Variants in ADGRB3 observed in about 807,000 individuals in gnomAD.
ADGRB3 encodes adhesion G protein-coupled receptor B3.
A neutral mutation model predicts 193.4 loss-of-function variants in ADGRB3; 37 were observed. The observed-to-expected ratio is 0.19, with a 90% confidence interval of 0.15 to 0.25. ADGRB3 has a LOEUF of 0.25. ADGRB3 is among the 10% of genes least tolerant of loss of function. The pLI is 1.00. For synonymous variants in ADGRB3, 690 were observed against 644.2 expected (o/e 1.07, Z -1.08); for missense variants, 1,637 against 1,852.9 (o/e 0.88, Z 2.14).
intron 17 of ADGRB3, among the ~76,000 whole-genome samples, chr6:69,116,698 A>G (rs2150327861): frequency 6.6e-6 from 1 of 152,362 alleles, no homozygotes; most frequent in Middle Eastern, 3.4e-3. Flanking sequence ...CCTTCTTTAA[A>G]GTTAACAGTG....
At chr6:69,079,674 T>C (rs548051355) in intron 17 of ADGRB3, among the ~76,000 whole-genome samples, 10 of 152,174 alleles carry the variant, frequency 6.6e-5, no homozygotes, top group African/African-American at 2.4e-4. Flanking sequence ...ATTTGAGTGA[T>C]TGGTAATTTG....
At chr6:69,036,572 A>C (rs1770877344) in intron 13 of ADGRB3, among the ~76,000 whole-genome samples, 1 of 152,130 alleles carries the variant, frequency 6.6e-6, no homozygotes, top group Non-Finnish European at 1.5e-5. Flanking sequence ...AAAATGAGTA[A>C]GTCTATGTAA....
At chr6:68,908,674 C>G (rs1766616088) in intron 3 of ADGRB3, among the ~76,000 whole-genome samples, 1 of 152,146 alleles carries the variant, frequency 6.6e-6, no homozygotes, top group Non-Finnish European at 1.5e-5. Context: ...AATTTGAACT[C>G]AAAGTGAAGT....
chr6:69,279,210 C>T (rs2127284334), intron 20 of ADGRB3, among the ~76,000 whole-genome samples: 1 of 146,130 alleles, frequency 6.8e-6, no homozygotes, highest in South Asian at 2.2e-4. Context: ...TACACTTAAC[C>T]TACTGAACAT....
At chr6:68,789,222 G>T in intron 3 of ADGRB3, among the ~76,000 whole-genome samples, 1 of 151,972 alleles carries the variant, frequency 6.6e-6, no homozygotes, top group East Asian at 1.9e-4. Context: ...TATTTTGCTC[G>T]TTAGTTGATG....
At chr6:68,964,423 G>T (rs2150260122) in intron 8 of ADGRB3, among the ~76,000 whole-genome samples, 1 of 152,224 alleles carries the variant, frequency 6.6e-6, no homozygotes, top group South Asian at 2.1e-4. Context: ...GTCTTCAGTA[G>T]CCTTGCCTAC....
chr6:69,231,062 C>T lies in ADGRB3; in HGVS notation c.2481-2228C>T, dbSNP rs371224447. On this transcript the variant is annotated intron_variant, in intron 17 of 31. Transcript: ENST00000370598. ...GAGTGAAGGACTAAAACATGAACAT[C>T]GGCGTTACTTACTTCCCAGTTTTGC... 5.5e-4 allele frequency among the ~76,000 whole-genome samples: 83 copies of T among 152,118 alleles called. 2 individuals are homozygous for T. In the South Asian group the frequency reaches 0.017, roughly 30 times the overall value.
At chr6:68,649,391 T>C (rs1323163993) in intron 3 of ADGRB3, among the ~76,000 whole-genome samples, 1 of 152,158 alleles carries the variant, frequency 6.6e-6, no homozygotes, top group East Asian at 1.9e-4. Context: ...AAATGACTAT[T>C]TGATAAATCT....
At position 68,956,033 on chromosome 6, in the gene ADGRB3, A is replaced by G. The variant is rs143634200; in HGVS notation, c.1205A>G (p.Gln402Arg). 6.2e-7 allele frequency: 1 copy of G among 1,613,254 alleles called. No homozygotes were observed. The highest frequency in any genetic ancestry group is 8.5e-7 in the Non-Finnish European group (1 of 1,179,748). Reference protein sequence around the residue: ...CNIALCPVDGQWQEWSSWSQC... With the variant: ...CNIALCPVDGRWQEWSSWSQC... ...TTTTCTGCTTTGGTAGTTGATGGAC[A>G]GTGGCAAGAGTGGAGTTCGTGGAGC... The change falls in exon 7 of 32, where the codon CAG (glutamine) becomes CGG (arginine). Residue 402 changes from glutamine to arginine, a missense_variant. Transcript: ENST00000370598.
chr6:68,862,546 G>A (rs1765187520), intron 3 of ADGRB3, among the ~76,000 whole-genome samples: 1 of 152,166 alleles, frequency 6.6e-6, no homozygotes, highest in Non-Finnish European at 1.5e-5. Flanking sequence ...GTTGGGGTCA[G>A]GGGGACCAAG....
chr6:69,120,898 A>C (rs1462440116), intron 17 of ADGRB3, among the ~76,000 whole-genome samples: 2 of 152,092 alleles, frequency 1.3e-5, no homozygotes, highest in African/African-American at 2.4e-5. Context: ...ATAATTATTT[A>C]CCTCACTTGC....
intron 20 of ADGRB3, among the ~76,000 whole-genome samples, chr6:69,243,410 T>G (rs1766424783): frequency 6.6e-6 from 1 of 151,946 alleles, no homozygotes; most frequent in African/African-American, 2.4e-5. Flanking sequence ...GGAGCAGGAT[T>G]CTGTGACCTT....
At chr6:69,106,730 A>G (rs1773225857) in intron 17 of ADGRB3, among the ~76,000 whole-genome samples, 1 of 152,202 alleles carries the variant, frequency 6.6e-6, no homozygotes, top group Admixed American at 6.5e-5. Context: ...ATTCATCATG[A>G]ATTATTTGTT....
intron 12 of ADGRB3, among the ~76,000 whole-genome samples, chr6:69,016,180 C>T (rs189395829): frequency 1.6e-3 from 245 of 151,574 alleles, no homozygotes; most frequent in African/African-American, 4.7e-3. Flanking sequence ...AAAATGTTTA[C>T]TATATGCAAA....
At chr6:69,113,048 A>G (rs1339406598) in intron 17 of ADGRB3, among the ~76,000 whole-genome samples, 1 of 152,188 alleles carries the variant, frequency 6.6e-6, no homozygotes, top group African/African-American at 2.4e-5. Context: ...GCGAGCCACT[A>G]TGCCCGGCTG....
At chr6:68,924,680 G>A (rs1223028470) in intron 3 of ADGRB3, among the ~76,000 whole-genome samples, 1 of 151,728 alleles carries the variant, frequency 6.6e-6, no homozygotes, top group African/African-American at 2.4e-5. Flanking sequence ...ACAGAGTTAC[G>A]CCCAGCTACC....
At chr6:69,245,261 G>A (rs1024678758) in intron 20 of ADGRB3, among the ~76,000 whole-genome samples, 1 of 151,994 alleles carries the variant, frequency 6.6e-6, no homozygotes, top group African/African-American at 2.4e-5. Flanking sequence ...TGTAGCCCAC[G>A]TGATGGAACA....
intron 3 of ADGRB3, among the ~76,000 whole-genome samples, chr6:68,768,087 A>G (rs1766546068): frequency 6.6e-6 from 1 of 152,212 alleles, no homozygotes. Context: ...CATAGGAAGA[A>G]TCAATGTTGT....
rs143348274 is a variant in ADGRB3, at chr6:68,980,710, A to T, written c.1734+5370A>T. Among the ~76,000 whole-genome samples, 957 of 151,696 alleles carry T rather than the reference A, an allele frequency of 6.3e-3. 29 individuals are homozygous for T. In the East Asian group the frequency reaches 0.071, roughly 11 times the overall value. ...TGCCGAGGTTCAGCTGGTCATAGGA[A>T]CTAGCAGATGGATTTAATTTTCAAG... On this transcript the variant is annotated intron_variant, in intron 10 of 31. Transcript: ENST00000370598.
Sources: allele counts gnomAD v4.1 joint callset (sites outside exome capture counted in the v4.1 genomes callset), GRCh38; gene constraint gnomAD v4.1.1; transcripts MANE v1.5; gene names NCBI Gene and HGNC (gene_info 2026-07-23, HGNC 2026-07-21).